Variants in AMMECR1 observed in about 807,000 individuals in gnomAD.
AMMECR1 encodes the protein AMMECR nuclear protein 1.
In AMMECR1, 3 loss-of-function variants were observed where a neutral mutation model predicts 22.5. That is an observed-to-expected ratio of 0.13 (90% confidence interval 0.06 to 0.35). The LOEUF is 0.35. Ranked by LOEUF, AMMECR1 falls within the 10% of genes least tolerant of loss-of-function variation. The pLI, the probability that AMMECR1 is intolerant of heterozygous loss-of-function variation, is 1.00. For missense variants in AMMECR1, 235 were observed against 278.7 expected (o/e 0.84, Z 1.12); for synonymous variants, 130 against 116.7 (o/e 1.11, Z -0.74).
At chrX:110,309,054 A>G (rs1469707809) in intron 1 of AMMECR1, 1 of 112,249 alleles carries the variant, frequency 8.9e-6, no homozygotes, top group Non-Finnish European at 1.9e-5. Flanking sequence ...TACCAGCTAT[A>G]TAATTTATTT....
chrX:110,336,565 A>G (rs2068142591), intron 2 of AMMECR1, among the ~76,000 whole-genome samples: 1 of 110,380 alleles, frequency 9.1e-6, no homozygotes, highest in Admixed American at 9.7e-5. Flanking sequence ...AACAAAAAAA[A>G]TTAGCCAGGT....
Position 110,357,352 on chromosome X carries a change from C to G in AMMECR1, c.-147-39503G>C, listed in dbSNP as rs772715605. ...ATCTTATAAATTGTGCCTTTTTACA[C>G]TTTTTACTTTTTTAAAAGTATTTCA... On this transcript the variant is annotated intron_variant, in intron 2 of 7. Coordinates refer to the AMMECR1 transcript ENST00000372057. Among the ~76,000 whole-genome samples, 17 of 111,594 alleles carry G rather than the reference C, an allele frequency of 1.5e-4. No individual in the cohort carries two copies. In the East Asian group the frequency reaches 4.2e-3, roughly 28 times the overall value.
Position 110,198,326 on chromosome X carries a change from C to A in AMMECR1, c.*194G>T. 1 of 283,102 alleles carries A rather than the reference C, an allele frequency of 3.5e-6. No homozygotes were observed. Among genetic ancestry groups the A allele is most frequent in the Admixed American group, 5.9e-5 (1 of 16,808 alleles). 23.3% of individuals were successfully genotyped at this position (283,102 alleles called of 1,213,427 possible). A position where few individuals can be genotyped will look rare whatever the true frequency, so the allele number is the denominator to read the frequency against. On this transcript the variant is annotated 3_prime_UTR_variant, in exon 6 of 6. Transcript: ENST00000262844. ...AAATCAACGATCTAAAATAATAAAA[C>A]AGGATCTTAACAAATGCCATTTTTC... is the stretch of plus-strand genomic sequence containing the variant.
At chrX:110,308,669 CATCAAAGAGCTATTCCACAAA>C (rs2148222554) in intron 1 of AMMECR1, among the ~76,000 whole-genome samples, 1 of 111,764 alleles carries the variant, frequency 8.9e-6, no homozygotes, top group Non-Finnish European at 1.9e-5. Flanking sequence ...CTACTCCTAA[CATCAAAGAGCTATTCCACAAA>C]ATCAAGTACC....
At chrX:110,210,605 A>G (rs187523283) in intron 3 of AMMECR1, among the ~76,000 whole-genome samples, 1 of 111,912 alleles carries the variant, frequency 8.9e-6, no homozygotes, top group African/African-American at 3.2e-5. Context: ...GAGGGTGAAA[A>G]GAACATTAAC....
intron 2 of AMMECR1, among the ~76,000 whole-genome samples, chrX:110,351,295 A>G (rs1298616186): frequency 8.9e-6 from 1 of 111,971 alleles, no homozygotes; most frequent in Non-Finnish European, 1.9e-5. Flanking sequence ...AGCCAAAACA[A>G]TCTTAAAAAA....
intron 2 of AMMECR1, among the ~76,000 whole-genome samples, chrX:110,336,524 AAAAAC>A (rs763817741): frequency 8.2e-5 from 9 of 110,293 alleles, no homozygotes; most frequent in African/African-American, 2.0e-4. Flanking sequence ...TCTCTACTAA[AAAAAC>A]AAAACAAAAC....
At chrX:110,274,316 A>G (rs2067814520) in intron 1 of AMMECR1, among the ~76,000 whole-genome samples, 1 of 111,971 alleles carries the variant, frequency 8.9e-6, no homozygotes, top group Non-Finnish European at 1.9e-5. Flanking sequence ...ATTTTTGTCT[A>G]CTTGTTCTAT....
At chrX:110,435,789 C>G (rs1422182002) in intron 1 of AMMECR1, among the ~76,000 whole-genome samples, 1 of 111,902 alleles carries the variant, frequency 8.9e-6, no homozygotes, top group Admixed American at 9.5e-5. Flanking sequence ...TATTATAAAC[C>G]CTGTTTATAT....
chrX:110,200,079 A>C (rs1425975447), intron 5 of AMMECR1, among the ~76,000 whole-genome samples: 2 of 111,340 alleles, frequency 1.8e-5, no homozygotes, highest in African/African-American at 6.5e-5. Context: ...TCCTTAAGGG[A>C]ATCACTTTCC....
At chrX:110,198,865 A>G (rs1460199804) in intron 5 of AMMECR1, among the ~76,000 whole-genome samples, 1 of 111,080 alleles carries the variant, frequency 9.0e-6, no homozygotes, top group Admixed American at 9.5e-5. Context: ...CCTTGTTTAA[A>G]TTGTTCTTTT....
intron 2 of AMMECR1, among the ~76,000 whole-genome samples, chrX:110,375,884 C>T (rs2068373163): frequency 9.0e-6 from 1 of 111,417 alleles, no homozygotes; most frequent in African/African-American, 3.3e-5. Context: ...CATGTTCTGT[C>T]ATTTGCATTC....
chrX:110,410,933 T>C (rs1383577478), intron 2 of AMMECR1, among the ~76,000 whole-genome samples: 1 of 112,199 alleles, frequency 8.9e-6, no homozygotes, highest in South Asian at 3.7e-4. Context: ...CCAAATCTCT[T>C]TATTTAAAAT....
intron 2 of AMMECR1, among the ~76,000 whole-genome samples, chrX:110,340,422 A>G (rs986519359): frequency 8.9e-6 from 1 of 112,143 alleles, no homozygotes; most frequent in South Asian, 3.8e-4. Flanking sequence ...GCAGGTGAAG[A>G]GGCACCAGAA....
chrX:110,362,142 A>AAT (rs1335591083), intron 2 of AMMECR1, among the ~76,000 whole-genome samples: 104 of 111,366 alleles, frequency 9.3e-4, no homozygotes, highest in Non-Finnish European at 6.0e-4. Flanking sequence ...TGGAATAAAA[A>AAT]ATATATATAT....
At chrX:110,405,838 C>T (rs931375255) in intron 2 of AMMECR1, among the ~76,000 whole-genome samples, 2 of 111,845 alleles carry the variant, frequency 1.8e-5, no homozygotes, top group Non-Finnish European at 3.8e-5. Flanking sequence ...ACACCAACAC[C>T]TGGTTCTGAA....
intron 2 of AMMECR1, among the ~76,000 whole-genome samples, chrX:110,234,900 C>T (rs2067592067): frequency 1.8e-5 from 2 of 111,949 alleles, no homozygotes; most frequent in Admixed American, 1.9e-4. Context: ...TATGCAATAC[C>T]ATTCAGGACA....
intron 2 of AMMECR1, among the ~76,000 whole-genome samples, chrX:110,357,843 T>C (rs1365493265): frequency 9.0e-6 from 1 of 111,547 alleles, no homozygotes; most frequent in Non-Finnish European, 1.9e-5. Flanking sequence ...CTTGGATTTT[T>C]TCTCAAGGCA....
At chrX:110,400,851 G>A (rs1412005183) in intron 2 of AMMECR1, among the ~76,000 whole-genome samples, 2 of 111,434 alleles carry the variant, frequency 1.8e-5, no homozygotes, top group African/African-American at 6.5e-5. Context: ...AACAAAAGAG[G>A]GATTCAGGGC....
Sources: allele counts gnomAD v4.1 joint callset (sites outside exome capture counted in the v4.1 genomes callset), GRCh38; gene constraint gnomAD v4.1.1; transcripts MANE v1.5; gene names NCBI Gene and HGNC (gene_info 2026-07-23, HGNC 2026-07-21).